STOX2: variants seen among roughly 807,000 people sequenced by gnomAD.
STOX2 encodes the protein storkhead box 2, also known as storkhead-box protein 2.
A neutral mutation model predicts 60.9 loss-of-function variants in STOX2; 28 were observed. That is an observed-to-expected ratio of 0.46 (90% CI 0.34 to 0.63). STOX2 has a LOEUF of 0.63. Among genes scored for constraint, STOX2 ranks in the 30% least tolerant of loss-of-function variants. STOX2 has a pLI of 0.01. For synonymous variants in STOX2, 472 were observed against 463.9 expected (o/e 1.02, Z -0.22); for missense variants, 1,024 against 1,187.7 (o/e 0.86, Z 2.03).
At chr4:183,869,789 G>T (rs1160791874) in intron 1 of STOX2, among the ~76,000 whole-genome samples, 1 of 152,176 alleles carries the variant, frequency 6.6e-6, no homozygotes, top group Non-Finnish European at 1.5e-5. Context: ...CCATTCTTTG[G>T]AAGTTCCCAT....
At chr4:183,951,071 C>T (rs1743062011) in intron 1 of STOX2, among the ~76,000 whole-genome samples, 1 of 151,860 alleles carries the variant, frequency 6.6e-6, no homozygotes, top group Admixed American at 6.6e-5. Context: ...AAAAAATTAG[C>T]CGGGCGTGGT....
At chr4:183,829,530 T>G (rs1251413189) in intron 1 of STOX2, among the ~76,000 whole-genome samples, 1 of 152,186 alleles carries the variant, frequency 6.6e-6, no homozygotes, top group Non-Finnish European at 1.5e-5. Flanking sequence ...CCCTTTGCAT[T>G]TGGTGGCACG....
chr4:184,012,708 A>G (rs1232740297), intron 3 of STOX2, among the ~76,000 whole-genome samples: 1 of 152,042 alleles, frequency 6.6e-6, no homozygotes, highest in African/African-American at 2.4e-5. Context: ...GACAGTGGAG[A>G]CTATGGGCCC....
intron 1 of STOX2, among the ~76,000 whole-genome samples, chr4:183,992,556 C>T (rs1049836075): frequency 1.3e-4 from 20 of 152,180 alleles, no homozygotes; most frequent in Admixed American, 7.9e-4. Context: ...TTATGTGATG[C>T]ACTTAAGGAA....
chr4:183,867,374 G>A (rs1740595187), intron 1 of STOX2, among the ~76,000 whole-genome samples: 2 of 152,212 alleles, frequency 1.3e-5, no homozygotes. Context: ...GTGAAAGGCT[G>A]GCACTTCTTA....
chr4:183,889,632 C>G (rs1004054401), intron 1 of STOX2, among the ~76,000 whole-genome samples: 2 of 152,220 alleles, frequency 1.3e-5, no homozygotes, highest in East Asian at 1.9e-4. Context: ...GTGAAGGAGG[C>G]CTTCCCTTCT....
In STOX2 at chr4:183,827,258, G is replaced by A. The variant is rs573905391; in HGVS notation, c.364+29203G>A. On this transcript the variant is annotated intron_variant, in intron 1 of 2. Transcript: ENST00000513034. ...CACATCTGTAATCCTAGCACTTTGGGAGGCCAAGGAGGGAGCATCGCTTGA... is the reference window on the plus strand; with the variant it reads ...CACATCTGTAATCCTAGCACTTTGGAAGGCCAAGGAGGGAGCATCGCTTGA... Among the ~76,000 whole-genome samples, 22 of 152,302 alleles carry A rather than the reference G, an allele frequency of 1.4e-4. No individual in the cohort carries two copies. The East Asian group carries it at 3.9e-3, about 27-fold the overall frequency.
chr4:183,862,632 T>C (rs1216966913), intron 1 of STOX2, among the ~76,000 whole-genome samples: 2 of 152,192 alleles, frequency 1.3e-5, no homozygotes, highest in African/African-American at 4.8e-5. Flanking sequence ...CGGGAGAGGC[T>C]GGCACGCATT....
chr4:183,868,755 T>C (rs896050057), intron 1 of STOX2, among the ~76,000 whole-genome samples: 1 of 152,198 alleles, frequency 6.6e-6, no homozygotes, highest in African/African-American at 2.4e-5. Flanking sequence ...TGTGTATAGC[T>C]CCTCGTAGCA....
At chr4:183,954,362 C>T (rs1453167550) in intron 1 of STOX2, among the ~76,000 whole-genome samples, 4 of 151,998 alleles carry the variant, frequency 2.6e-5, no homozygotes, top group Admixed American at 1.3e-4. Flanking sequence ...GATCTTGGCT[C>T]GCTGCAACCT....
chr4:183,963,575 C>T (rs1317691145), intron 1 of STOX2, among the ~76,000 whole-genome samples: 6 of 151,048 alleles, frequency 4.0e-5, no homozygotes, highest in South Asian at 2.1e-4. Context: ...TATAGGTGCC[C>T]GCCACCACAC....
intron 1 of STOX2, among the ~76,000 whole-genome samples, chr4:183,970,847 G>A (rs1250714216): frequency 2.0e-5 from 3 of 152,200 alleles, no homozygotes; most frequent in Non-Finnish European, 4.4e-5. Context: ...AGAATTATAA[G>A]TATCCCTTGC....
At chr4:183,966,520 C>T (rs891075303) in intron 1 of STOX2, among the ~76,000 whole-genome samples, 3 of 152,286 alleles carry the variant, frequency 2.0e-5, no homozygotes, top group African/African-American at 7.2e-5. Flanking sequence ...TCACAGTCAC[C>T]CTCCCGGCGG....
At position 183,825,732 on chromosome 4, in the gene STOX2, C is replaced by T. The variant is rs890121378; in HGVS notation, c.364+27677C>T. ...CTAGTGGAGCAGGAGTCAGGGTCAG[C>T]GAGGTGGCTGGGGCTGGACTTTGCC... On this transcript the variant is annotated intron_variant, in intron 1 of 2. Coordinates refer to the STOX2 transcript ENST00000513034. This position sits in a 1 kb window ranked among gnomAD's most constrained non-coding sequence, Gnocchi z 4.1. Among the ~76,000 whole-genome samples, 2 of 151,996 alleles carry T rather than the reference C, an allele frequency of 1.3e-5. No homozygotes were observed. The highest frequency in any genetic ancestry group is 2.4e-5 in the African/African-American group (1 of 41,330).
intron 1 of STOX2, among the ~76,000 whole-genome samples, chr4:183,977,222 C>T (rs1047274560): frequency 6.6e-6 from 1 of 152,122 alleles, no homozygotes; most frequent in Admixed American, 6.5e-5. Context: ...TACCCTCCTA[C>T]TCTGAAAGAC....
At position 183,865,149 on chromosome 4, in the gene STOX2, CT is replaced by C. The variant is rs1262131111; in HGVS notation, c.364+67095del. Reference sequence around the variant, plus strand: ...CTATGGTTTATCACATATGTACTGTCTCTGCTACTTGAGGCTCACACCTGTA... The same window carrying C: ...CTATGGTTTATCACATATGTACTGTCCTGCTACTTGAGGCTCACACCTGTA... On this transcript the variant is annotated intron_variant, in intron 1 of 2. Coordinates refer to the STOX2 transcript ENST00000513034. The surrounding 1 kb of genome is among the most constrained non-coding windows in gnomAD (Gnocchi z 4.1). Among the ~76,000 whole-genome samples, 8 of 152,214 alleles carry C rather than the reference CT, an allele frequency of 5.3e-5. No individual in the cohort carries two copies. In the South Asian group the frequency reaches 1.0e-3, roughly 20 times the overall value.
intron 1 of STOX2, among the ~76,000 whole-genome samples, chr4:183,922,859 C>T (rs1181982478): frequency 6.6e-6 from 1 of 152,174 alleles, no homozygotes; most frequent in Non-Finnish European, 1.5e-5. Flanking sequence ...GATTACCCCA[C>T]CTCATCTAAG....
intron 1 of STOX2, among the ~76,000 whole-genome samples, chr4:183,876,208 CA>C (rs1244209042): frequency 1.4e-4 from 22 of 152,294 alleles, no homozygotes; most frequent in Non-Finnish European, 4.4e-5. Flanking sequence ...AGACTGTCTA[CA>C]ATTTGAACTT....
rs968588386 is a variant in STOX2, at chr4:184,010,373, T to G, written c.1535T>G (p.Leu512Arg). The G allele has an allele frequency of 1.2e-6, 2 of 1,612,908 alleles. No individual in the cohort carries two copies. Among genetic ancestry groups the G allele is most frequent in the African/African-American group, 2.7e-5 (2 of 74,884 alleles). Residue 512 changes from leucine to arginine, a missense_variant, in exon 3 of 4, where the codon CTT becomes CGT. Transcript: ENST00000308497. The surrounding 1 kb of genome is among the most constrained non-coding windows in gnomAD (Gnocchi z 4.5). Reference sequence around the variant, plus strand: ...TCTTCTCTAGGGACGCCGGAAGACCTTGCTGAAGGCTGCAGCCAAGACGAC... The same window carrying G: ...TCTTCTCTAGGGACGCCGGAAGACCGTGCTGAAGGCTGCAGCCAAGACGAC... ...GASSLGTPED[L>R]AEGCSQDDQT...
Sources: allele counts gnomAD v4.1 joint callset (sites outside exome capture counted in the v4.1 genomes callset), GRCh38; gene constraint gnomAD v4.1.1; non-coding constraint Gnocchi (gnomAD v3.1); transcripts MANE v1.5; gene names NCBI Gene and HGNC (gene_info 2026-07-23, HGNC 2026-07-21).